The following HTR2C variants were observed in gnomAD, a reference collection of about 807,000 sequenced individuals.
HTR2C encodes 5-hydroxytryptamine receptor 2C, also known as 5-hydroxytryptamine (serotonin) receptor 2C, G protein-coupled.
Under a neutral mutation model 21.0 loss-of-function variants are expected in HTR2C, and 5 were observed. That is an observed-to-expected ratio of 0.24 (90% CI 0.12 to 0.50). HTR2C has a LOEUF of 0.50. HTR2C is among the 20% of genes least tolerant of loss of function. The pLI, the probability that HTR2C is intolerant of heterozygous loss-of-function variation, is 0.98. For missense variants in HTR2C, 271 were observed against 371.2 expected (o/e 0.73, Z 2.22); for synonymous variants, 150 against 145.3 (o/e 1.03, Z -0.23).
chrX:114,676,716 C>G (rs2147852237), intron 2 of HTR2C, among the ~76,000 whole-genome samples: 1 of 112,405 alleles, frequency 8.9e-6, no homozygotes, highest in South Asian at 3.6e-4. Flanking sequence ...TATTATTGCT[C>G]TATGACACTC....
chrX:114,802,510 G>T (rs782166527), intron 4 of HTR2C, among the ~76,000 whole-genome samples: 3 of 110,591 alleles, frequency 2.7e-5, no homozygotes, highest in African/African-American at 9.8e-5. Flanking sequence ...CAGAAATATG[G>T]TTCAGTATTT....
intron 4 of HTR2C, among the ~76,000 whole-genome samples, chrX:114,778,371 T>C (rs1239742213): frequency 4.5e-5 from 5 of 111,852 alleles, no homozygotes; most frequent in Admixed American, 9.5e-5. Flanking sequence ...ATGTGATATT[T>C]TAATTATTAA....
At chrX:114,749,949 A>C (rs1200706961) in intron 4 of HTR2C, among the ~76,000 whole-genome samples, 3 of 111,887 alleles carry the variant, frequency 2.7e-5, no homozygotes, top group Non-Finnish European at 5.6e-5. Flanking sequence ...TTCAATTCCT[A>C]TACAGATAAC....
intron 4 of HTR2C, among the ~76,000 whole-genome samples, chrX:114,769,035 G>GAA (rs1192485968): frequency 1.6e-4 from 17 of 107,086 alleles, no homozygotes; most frequent in African/African-American, 3.4e-4. Flanking sequence ...AAAACTATTT[G>GAA]AAAAAAAAGC....
intron 4 of HTR2C, among the ~76,000 whole-genome samples, chrX:114,806,945 C>CATAT (rs199859134): frequency 2.7e-5 from 2 of 74,246 alleles, no homozygotes; most frequent in East Asian, 8.5e-4. Flanking sequence ...ATGTATATAC[C>CATAT]ATATATACCA....
chrX:114,679,094 G>C (rs782706982), intron 2 of HTR2C, among the ~76,000 whole-genome samples: 1 of 111,671 alleles, frequency 9.0e-6, no homozygotes, highest in African/African-American at 3.2e-5. Context: ...GAGTCTAAGA[G>C]ATGATTATGT....
intron 4 of HTR2C, among the ~76,000 whole-genome samples, chrX:114,827,484 CTT>C (rs1217016491): frequency 3.6e-5 from 4 of 111,178 alleles, no homozygotes; most frequent in Non-Finnish European, 5.7e-5. Context: ...ATTTTAAAGA[CTT>C]AAGAAAAATT....
intron 1 of HTR2C, among the ~76,000 whole-genome samples, chrX:114,607,011 G>T (rs1928482029): frequency 9.2e-6 from 1 of 108,113 alleles, no homozygotes; most frequent in African/African-American, 3.5e-5. Context: ...GGTGCTCAGT[G>T]GGGGTGCTTT....
rs893497734 is a variant in HTR2C at position 114,651,141 on chromosome X, G to A, written c.-80+37260G>A. Among the ~76,000 whole-genome samples, 3 of 111,866 alleles carry A rather than the reference G, an allele frequency of 2.7e-5. No homozygotes were observed. In the South Asian group the frequency reaches 1.1e-3, roughly 41 times the overall value. Reference sequence around the variant, plus strand: ...TAACTGACTTGTTCAAAGACAGATAGTTATAAGTTATTATTTATGTTTTCT... The same window carrying A: ...TAACTGACTTGTTCAAAGACAGATAATTATAAGTTATTATTTATGTTTTCT... On this transcript the variant is annotated intron_variant, in intron 2 of 5. Transcript: ENST00000276198.
intron 5 of HTR2C, among the ~76,000 whole-genome samples, chrX:114,887,992 C>T (rs782176366): frequency 1.0e-3 from 114 of 110,330 alleles, no homozygotes; most frequent in African/African-American, 3.5e-3. Flanking sequence ...CCAGCCTGGG[C>T]GACAGAGTGA....
intron 4 of HTR2C, among the ~76,000 whole-genome samples, chrX:114,751,245 T>TG (rs2069757992): frequency 2.7e-5 from 1 of 37,586 alleles, no homozygotes; most frequent in African/African-American, 5.1e-5. Flanking sequence ...GCACCTACAG[T>TG]ATACCAAGCA....
intron 4 of HTR2C, among the ~76,000 whole-genome samples, chrX:114,797,000 T>A (rs1328434538): frequency 8.9e-6 from 1 of 112,061 alleles, no homozygotes; most frequent in Non-Finnish European, 1.9e-5. Flanking sequence ...CTTGGATAAA[T>A]GTGAGATATC....
rs1362604626 is a variant in HTR2C at position 114,812,587 on chromosome X, G to A, written c.350-35416G>A. ...TCTACTAAAACTACGAAAATTAGCC[G>A]GGCGTGGTGGTGAGCCCTGTAATCC... On this transcript the variant is annotated intron_variant, in intron 4 of 5. Coordinates refer to ENST00000276198, the MANE Select transcript of HTR2C (RefSeq NM_000868.4). 2.7e-5 allele frequency among the ~76,000 whole-genome samples: 3 copies of A among 109,878 alleles called. No homozygotes were observed. In the East Asian group the frequency reaches 8.6e-4, roughly 32 times the overall value.
intron 4 of HTR2C, among the ~76,000 whole-genome samples, chrX:114,736,369 C>T (rs782528117): frequency 9.1e-6 from 1 of 110,110 alleles, no homozygotes; most frequent in Non-Finnish European, 1.9e-5. Flanking sequence ...GTATACCAAG[C>T]AAATGGTAAC....
intron 5 of HTR2C, among the ~76,000 whole-genome samples, chrX:114,869,715 G>T (rs1363973901): frequency 6.3e-5 from 7 of 111,949 alleles, no homozygotes; most frequent in Non-Finnish European, 1.3e-4. Context: ...TAACAGTGGT[G>T]ACAGTGGGCA....
intron 4 of HTR2C, among the ~76,000 whole-genome samples, chrX:114,807,103 C>T (rs868966105): frequency 0.062 from 1,474 of 23,851 alleles, 598 homozygotes; most frequent in Non-Finnish European, 0.11. Flanking sequence ...CCCATATATA[C>T]ACCATGTATA....
intron 4 of HTR2C, among the ~76,000 whole-genome samples, chrX:114,760,683 ATT>A (rs782349007): frequency 9.2e-6 from 1 of 109,274 alleles, no homozygotes; most frequent in Non-Finnish European, 1.9e-5. Flanking sequence ...TGCTCTGCTA[ATT>A]TTTTTTTATT....
chrX:114,802,479 C>T (rs1193238242), intron 4 of HTR2C, among the ~76,000 whole-genome samples: 1 of 110,973 alleles, frequency 9.0e-6, no homozygotes, highest in Non-Finnish European at 1.9e-5. Flanking sequence ...GAATGTGCCA[C>T]AGAGTTTTAC....
intron 4 of HTR2C, among the ~76,000 whole-genome samples, chrX:114,767,203 T>C (rs1556435446): frequency 9.0e-6 from 1 of 111,267 alleles, no homozygotes; most frequent in South Asian, 3.7e-4. Flanking sequence ...GATAAGATCA[T>C]GACAAATGTG....
Sources: gnomAD v4.1 joint callset for allele counts (sites outside exome capture counted in the v4.1 genomes callset) on GRCh38, gnomAD v4.1.1 for gene constraint, MANE v1.5 for transcripts, NCBI Gene and HGNC (gene_info 2026-07-23, HGNC 2026-07-21) for gene names.